Variants in TM2D1 observed in about 807,000 individuals in gnomAD.
The protein encoded by TM2D1 is TM2 domain-containing protein 1.
A neutral mutation model predicts 28.4 loss-of-function variants in TM2D1; 15 were observed. That is an observed-to-expected ratio of 0.53 (90% CI 0.35 to 0.81). TM2D1 has a LOEUF of 0.81. Ranked by LOEUF, TM2D1 falls within the 40% of genes least tolerant of loss-of-function variation. The probability of loss-of-function intolerance (pLI) is 0.01; values close to 1 mark genes in which losing one functional copy is unlikely to be tolerated. For synonymous variants in TM2D1, 93 were observed against 96.2 expected, an observed-to-expected ratio of 0.97 and a Z score of 0.20; for missense variants, 236 against 254.9, an observed-to-expected ratio of 0.93 and a Z score of 0.50.
chr1:61,708,961 T>C (rs183033983), intron 3 of TM2D1, among the ~76,000 whole-genome samples: 7 of 152,068 alleles, frequency 4.6e-5, no homozygotes, highest in Admixed American at 1.3e-4. Flanking sequence ...GGCCAGGAGT[T>C]CGAGACCAGC....
chr1:61,687,054 C>T, intron 5 of TM2D1: 1 of 850,324 alleles, frequency 1.2e-6, no homozygotes, highest in Non-Finnish European at 1.4e-6. Flanking sequence ...AAGAAATATC[C>T]TGAAGCTGGC....
chr1:61,710,536 G>A (rs1333224572), intron 2 of TM2D1, among the ~76,000 whole-genome samples: 4 of 126,340 alleles, frequency 3.2e-5, no homozygotes, highest in Admixed American at 2.6e-4. Flanking sequence ...ACACATATAC[G>A]ACTACCCACC....
Position 61,706,002 on chromosome 1 carries a change from T to C in TM2D1, c.347+3327A>G, listed in dbSNP as rs569409440. Among the ~76,000 whole-genome samples, 142 of 152,294 alleles carry C rather than the reference T, an allele frequency of 9.3e-4. 1 individual carries two copies. In the Middle Eastern group the frequency reaches 0.024, roughly 26 times the overall value. On this transcript the variant is annotated intron_variant, in intron 3 of 6. Transcript: ENST00000606498. The stretch of plus-strand genomic sequence containing the variant: ...CAGGAGTACAAAGAAAATATGAAAC[T>C]GGAAAAGGGACACCTAATGAGTAAG...
At chr1:61,704,916 G>C (rs942129514) in intron 3 of TM2D1, among the ~76,000 whole-genome samples, 5 of 152,122 alleles carry the variant, frequency 3.3e-5, no homozygotes, top group Admixed American at 1.3e-4. Flanking sequence ...ATTAAAAAGA[G>C]AGAGAGAAAG....
intron 4 of TM2D1, among the ~76,000 whole-genome samples, chr1:61,696,890 C>T (rs1644366995): frequency 6.6e-6 from 1 of 151,582 alleles, no homozygotes; most frequent in Admixed American, 6.6e-5. Flanking sequence ...TCCCAAAATG[C>T]TTCGATTACA....
chr1:61,713,488 C>CAA (rs369601221), intron 2 of TM2D1, among the ~76,000 whole-genome samples: 968 of 91,296 alleles, frequency 0.011, 15 homozygotes, highest in African/African-American at 0.034. Context: ...AACTCAAAAA[C>CAA]AAAAAAAAAA....
At chr1:61,722,987 A>G (rs1557542391) in intron 2 of TM2D1, among the ~76,000 whole-genome samples, 1 of 152,212 alleles carries the variant, frequency 6.6e-6, no homozygotes, top group Non-Finnish European at 1.5e-5. Flanking sequence ...TTTCAAAGGA[A>G]ATGACACAAC....
intron 6 of TM2D1, among the ~76,000 whole-genome samples, chr1:61,681,574 C>T (rs1644244146): frequency 2.0e-5 from 3 of 152,082 alleles, no homozygotes; most frequent in Admixed American, 2.0e-4. Context: ...TGGAATCCCA[C>T]CTAAATGTTT....
At chr1:61,698,700 C>T (rs760793259) in intron 4 of TM2D1, 21 of 149,962 alleles carry the variant, frequency 1.4e-4, no homozygotes, top group Non-Finnish European at 2.4e-4. Flanking sequence ...CTTTTCATAA[C>T]CATGAAGAAA....
At chr1:61,722,616 C>T (rs1008950779) in intron 2 of TM2D1, among the ~76,000 whole-genome samples, 3 of 152,158 alleles carry the variant, frequency 2.0e-5, no homozygotes, top group African/African-American at 7.2e-5. Flanking sequence ...ATCCACCCGC[C>T]TTGGCCTCCC....
chr1:61,686,957 A>AT (rs529812449), intron 5 of TM2D1: 14 of 984,738 alleles, frequency 1.4e-5, no homozygotes, highest in Non-Finnish European at 1.7e-5. Flanking sequence ...AATACTGGGA[A>AT]TTTTTTTCCT....
intron 3 of TM2D1, among the ~76,000 whole-genome samples, chr1:61,707,031 G>A (rs959115713): frequency 6.6e-6 from 1 of 152,132 alleles, no homozygotes; most frequent in African/African-American, 2.4e-5. Context: ...GAGGCGGGCT[G>A]ATCGCTTGAG....
At chr1:61,723,937 T>C (rs1199433176) in intron 1 of TM2D1, among the ~76,000 whole-genome samples, 151 bp from the exon 2 acceptor site, 1 of 152,190 alleles carries the variant, frequency 6.6e-6, no homozygotes, top group Non-Finnish European at 1.5e-5. Context: ...ACAAATATAC[T>C]TTTAGTATTG....
chr1:61,720,159 T>C (rs1644552136), intron 2 of TM2D1, among the ~76,000 whole-genome samples: 1 of 152,080 alleles, frequency 6.6e-6, no homozygotes, highest in Non-Finnish European at 1.5e-5. Context: ...GGAAGTGAAA[T>C]CTAAATATTT....
intron 4 of TM2D1, chr1:61,698,162 G>GTT (rs199875188): frequency 6.6e-6 from 1 of 151,928 alleles, no homozygotes; most frequent in Admixed American, 6.6e-5. Context: ...CCTGTTTCTA[G>GTT]TTTTTTTTGA....
At chr1:61,708,052 C>T (rs1644453266) in intron 3 of TM2D1, among the ~76,000 whole-genome samples, 1 of 152,022 alleles carries the variant, frequency 6.6e-6, no homozygotes, top group African/African-American at 2.4e-5. Flanking sequence ...CTTAAAAGTC[C>T]TTTTTAAAAA....
intron 1 of TM2D1, chr1:61,724,538 G>A (rs1644591035): frequency 1.8e-5 from 3 of 167,530 alleles, no homozygotes; most frequent in Admixed American, 1.2e-4. Context: ...ATGATAAATG[G>A]GCAACACATT....
chr1:61,719,979 C>T, intron 2 of TM2D1, among the ~76,000 whole-genome samples: 1 of 152,230 alleles, frequency 6.6e-6, no homozygotes, highest in East Asian at 1.9e-4. Flanking sequence ...AAGAGGGCTT[C>T]TGCCATGTTG....
rs756255610 is a variant in TM2D1, at chr1:61,723,695, T to A, written c.238+18A>T. On this transcript the variant is annotated intron_variant, in intron 2 of 6. Transcript: ENST00000606498. The stretch of plus-strand genomic sequence containing the variant: ...GTTTTTAAAATTATTTTTAAAGACA[T>A]GTTTCTTGAAGTCTTACCATGAGCT... 7.2e-7 allele frequency: 1 copy of A among 1,385,372 alleles called. No homozygotes were observed. The highest frequency in any genetic ancestry group is 1.4e-5 in the African/African-American group (1 of 69,154). The allele number at this position is 1,385,372 out of a possible 1,614,324, so 85.8% of individuals were successfully genotyped here.
Sources: gnomAD v4.1 joint callset for allele counts (sites outside exome capture counted in the v4.1 genomes callset) on GRCh38, gnomAD v4.1.1 for gene constraint, MANE v1.5 for transcripts, NCBI Gene and HGNC (gene_info 2026-07-23, HGNC 2026-07-21) for gene names.